SPINK2: variants seen among roughly 807,000 people sequenced by gnomAD.
The protein encoded by SPINK2 is serine peptidase inhibitor Kazal type 2.
In SPINK2, 8 loss-of-function variants were observed where a neutral mutation model predicts 13.5. The ratio of observed to expected loss-of-function variants is 0.59; its 90% CI spans 0.35 to 1.07. SPINK2 has a LOEUF of 1.07. Among genes scored for constraint, SPINK2 ranks in the 50% least tolerant of loss-of-function variants. The pLI, the probability that SPINK2 is intolerant of heterozygous loss-of-function variation, is 0.02. For missense variants in SPINK2, 148 were observed against 180.3 expected, an observed-to-expected ratio of 0.82 and a Z score of 1.03; for synonymous variants, 76 against 74.7, an observed-to-expected ratio of 1.02 and a Z score of -0.09.
In SPINK2 at chr4:56,820,565, G is replaced by T; in HGVS notation, c.220C>A (p.Gln74Lys). 6.2e-7 allele frequency: 1 copy of T among 1,610,192 alleles called. No individual in the cohort carries two copies. The highest frequency in any genetic ancestry group is 1.1e-5 in the South Asian group (1 of 90,934). Residue 74 changes from glutamine to lysine, a missense_variant, in exon 2 of 4, where the codon CAA (glutamine) becomes AAA (lysine). By Grantham distance (53) the Gln-to-Lys change is moderately conservative. Transcript: ENST00000506738. ...PEDLPASLIP[Q>K]FGLFSKYRTP... Reference sequence around the variant, plus strand: ...CTATATTTTGAAAACAGACCAAATTGAGGGATCAGAGAGGCTGTAAGAAGA... The same window carrying T: ...CTATATTTTGAAAACAGACCAAATTTAGGGATCAGAGAGGCTGTAAGAAGA...
At chr4:56,820,398 C>A in intron 2 of SPINK2, 138 bp downstream of exon 2, 1 of 628,166 alleles carries the variant, frequency 1.6e-6, no homozygotes, top group South Asian at 2.1e-5. Context: ...ATCAAAAGGC[C>A]TGCCTGACAA....
intron 2 of SPINK2, among the ~76,000 whole-genome samples, chr4:56,816,141 G>A (rs1350292889): frequency 2.0e-5 from 3 of 152,094 alleles, no homozygotes; most frequent in African/African-American, 7.2e-5. Context: ...GTTCAACAAG[G>A]TTGAAAGATA....
At chr4:56,813,147 A>T (rs1316674020) in intron 2 of SPINK2, among the ~76,000 whole-genome samples, 1 of 151,960 alleles carries the variant, frequency 6.6e-6, no homozygotes, top group Non-Finnish European at 1.5e-5. Context: ...ACATGGTGAA[A>T]CCCCATCTCT....
intron 2 of SPINK2, among the ~76,000 whole-genome samples, chr4:56,813,310 C>T (rs539517520): frequency 6.6e-6 from 1 of 152,062 alleles, no homozygotes; most frequent in Non-Finnish European, 1.5e-5. Flanking sequence ...ACAACAACAG[C>T]GAAACTGTCT....
Position 56,811,680 on chromosome 4 carries a change from G to A in SPINK2, c.359+5C>T. ...GGCTAGTCTACAGCTGTAAAATCATGTTACCTGATTTTCATGCACAGAGTA... is the reference window on the plus strand; with the variant it reads ...GGCTAGTCTACAGCTGTAAAATCATATTACCTGATTTTCATGCACAGAGTA... On this transcript the variant is annotated splice_donor_5th_base_variant and intron_variant, in intron 3 of 3. Coordinates refer to ENST00000506738, the MANE Select transcript of SPINK2 (RefSeq NM_001271718.2). The A allele has an allele frequency of 6.3e-7, 1 of 1,579,050 alleles. No homozygotes were observed. Among genetic ancestry groups the A allele is most frequent in the Non-Finnish European group, 8.6e-7 (1 of 1,156,470 alleles).
In SPINK2 at chr4:56,821,659, C is replaced by A; in HGVS notation, c.4G>T (p.Ala2Ser). 1 of 1,535,178 alleles carries A rather than the reference C, an allele frequency of 6.5e-7. No homozygotes were observed. Among genetic ancestry groups the A allele is most frequent in the Non-Finnish European group, 8.8e-7 (1 of 1,142,802 alleles). Residue 2 changes from alanine to serine, a missense_variant, in exon 1 of 4, where the codon GCG becomes TCG. Physicochemically the swap from Ala to Ser is moderately conservative, Grantham distance 99. Transcript: ENST00000506738. M[A>S]LSVLRLALLL... ...AGCGCCAAGCGCAGCACCGACAGCG[C>A]CATCCTCCTCCCGCGCCGGCTGTCT...
chr4:56,810,483 A>G (rs1716888151), intron 3 of SPINK2: 2 of 305,254 alleles, frequency 6.6e-6, no homozygotes, highest in Non-Finnish European at 1.2e-5. Flanking sequence ...TGGGTGGATT[A>G]CTGGAGGTCA....
At chr4:56,818,172 G>A (rs1174048261) in intron 2 of SPINK2, 1 of 152,166 alleles carries the variant, frequency 6.6e-6, no homozygotes, top group Admixed American at 6.6e-5. Flanking sequence ...ATGGAAATAA[G>A]GAAGAAAAAC....
At chr4:56,821,757 A>C, upstream of SPINK2, 1 of 1,217,822 alleles carries the variant, frequency 8.2e-7, no homozygotes, top group Non-Finnish European at 1.1e-6. Context: ...GGGCGGGGGA[A>C]GGGGCGGGGC....
intron 2 of SPINK2, among the ~76,000 whole-genome samples, chr4:56,817,873 T>C (rs1181615729): frequency 6.8e-6 from 1 of 147,318 alleles, no homozygotes; most frequent in African/African-American, 2.5e-5. Flanking sequence ...AAAAAAAGTG[T>C]GGCACTAAGG....
In SPINK2 at chr4:56,810,159, T is replaced by C; in HGVS notation, c.385A>G (p.Ile129Val). ...IREGGHNIKI[I>V]RNGPC ...CTCCATCAGCAGGGTCCATTTCGAA[T>C]GATTTTAATATTATGACCACCTTCC... Residue 129 changes from isoleucine to valine, a missense_variant, in exon 4 of 4, where the codon ATT becomes GTT. Ile to Val is a conservative substitution (Grantham distance 29). Transcript: ENST00000506738. The C allele has an allele frequency of 1.2e-6, 2 of 1,610,244 alleles. No individual in the cohort carries two copies. The highest frequency in any genetic ancestry group is 1.1e-5 in the South Asian group (1 of 90,204).
intron 2 of SPINK2, among the ~76,000 whole-genome samples, chr4:56,819,509 TAA>T: frequency 6.6e-6 from 1 of 152,142 alleles, no homozygotes; most frequent in South Asian, 2.1e-4. Flanking sequence ...CAGCCGGCTA[TAA>T]GCCAGACTTG....
In SPINK2 at chr4:56,821,582, C is replaced by A; in HGVS notation, c.81G>T (p.Glu27Asp). The A allele has an allele frequency of 6.5e-7, 1 of 1,548,386 alleles. No individual in the cohort carries two copies. The highest frequency in any genetic ancestry group is 1.4e-5 in the African/African-American group (1 of 73,068). ...ACCCGCTTTTCTCCGGAGGTCCCCGCTCGCCAGGACCGCTCCGAGCGCTAC... is the reference window on the plus strand; with the variant it reads ...ACCCGCTTTTCTCCGGAGGTCCCCGATCGCCAGGACCGCTCCGAGCGCTAC... The part of the protein sequence containing the change: ...FAGSARSGPG[E>D]RGPPEKSGFG... Residue 27 changes from glutamate (E) to aspartate (D), a missense_variant, in exon 1 of 4, where the codon GAG (glutamate) becomes GAT (aspartate). Glu to Asp is a conservative substitution (Grantham distance 45, BLOSUM62 2). Transcript: ENST00000506738.
Position 56,821,531 on chromosome 4 carries a change from G to C in SPINK2, c.132C>G (p.Pro44=), listed in dbSNP as rs1052345465. ...CGCCGAGGCCGCCCGGAGCAGGGCA[G>C]GGTCCGCCGCCGGTCTGACTCCCAA... ...SGFGSQTGGG[P]CPAPGGLGDG... is the part of the protein sequence containing the mutation. The change falls in exon 1 of 4, where the codon CCC becomes CCG. Residue 44 remains proline (P), a synonymous_variant. Transcript: ENST00000506738. The C allele has an allele frequency of 3.2e-6, 5 of 1,545,298 alleles. No homozygotes were observed. In the Admixed American group the frequency reaches 9.8e-5, roughly 30 times the overall value.
chr4:56,815,263 T>C (rs770838853), intron 2 of SPINK2, among the ~76,000 whole-genome samples: 13 of 152,292 alleles, frequency 8.5e-5, no homozygotes, highest in Non-Finnish European at 1.8e-4. Flanking sequence ...AAGGACTCAA[T>C]GCTTTTCCCT....
chr4:56,811,859 G>A (rs999885889), intron 2 of SPINK2, 65 bp from the exon 3 acceptor site: 12 of 784,774 alleles, frequency 1.5e-5, no homozygotes, highest in Non-Finnish European at 2.2e-5. Context: ...ATAGTTCAGA[G>A]GAGAAAATGT....
At chr4:56,814,862 G>C (rs1717299178) in intron 2 of SPINK2, among the ~76,000 whole-genome samples, 1 of 151,416 alleles carries the variant, frequency 6.6e-6, no homozygotes, top group Non-Finnish European at 1.5e-5. Context: ...TCGGGAGGCT[G>C]AGGCAGGAGA....
chr4:56,819,154 A>G (rs1445403283), intron 2 of SPINK2, among the ~76,000 whole-genome samples: 1 of 152,170 alleles, frequency 6.6e-6, no homozygotes, highest in East Asian at 1.9e-4. Flanking sequence ...CTGGTGTGGC[A>G]TGTAGGTATC....
chr4:56,821,275 T>A (rs1048188803), intron 1 of SPINK2, 183 bp downstream of exon 1: 7 of 983,566 alleles, frequency 7.1e-6, no homozygotes, highest in Non-Finnish European at 8.5e-6. Flanking sequence ...GCACATCTCC[T>A]CCCTTGGGAC....
Sources: gnomAD v4.1 joint callset for allele counts (sites outside exome capture counted in the v4.1 genomes callset) on GRCh38, gnomAD v4.1.1 for gene constraint, MANE v1.5 for transcripts, NCBI Gene and HGNC (gene_info 2026-07-23, HGNC 2026-07-21) for gene names.